OTUD7A: variants seen among roughly 807,000 people sequenced by gnomAD.
OTUD7A encodes the protein OTU deubiquitinase 7A, also known as OTU domain-containing protein 7A.
A neutral mutation model predicts 65.7 loss-of-function variants in OTUD7A; 12 were observed. That is an observed-to-expected ratio of 0.18 (90% CI 0.12 to 0.30). The LOEUF is 0.30. Ranked by LOEUF, OTUD7A falls within the 10% of genes least tolerant of loss-of-function variation. OTUD7A has a pLI of 1.00. For missense variants in OTUD7A, 1,148 were observed against 1,304.8 expected (o/e 0.88, Z 1.85); for synonymous variants, 641 against 586.3 (o/e 1.09, Z -1.35).
At chr15:31,607,068 A>G (rs1890258685) in intron 3 of OTUD7A, among the ~76,000 whole-genome samples, 1 of 152,246 alleles carries the variant, frequency 6.6e-6, no homozygotes, top group Non-Finnish European at 1.5e-5. Flanking sequence ...GATCTGTTTG[A>G]TGACATCAGA....
rs115620050 is a variant in OTUD7A at position 31,608,463 on chromosome 15, C to A, written c.152-38266G>T. Among the ~76,000 whole-genome samples the A allele has an allele frequency of 6.2e-3, 938 of 152,198 alleles. 11 individuals carry two copies. The highest frequency in any genetic ancestry group is 0.02 in the African/African-American group (846 of 41,512). ...ACAGACATGCAGACACACAGACACA[C>A]AGTGGGAGGTGGAGGTGTGGAATGA... is the stretch of plus-strand genomic sequence containing the variant. On this transcript the variant is annotated intron_variant, in intron 3 of 12. Transcript: ENST00000307050.
chr15:31,868,011 C>T (rs752929177), intron 1 of OTUD7A, among the ~76,000 whole-genome samples: 1 of 152,254 alleles, frequency 6.6e-6, no homozygotes, highest in Non-Finnish European at 1.5e-5. Context: ...GCCCGCCAAG[C>T]CGCGTTTAGC....
At chr15:31,711,651 A>C (rs886621640) in intron 1 of OTUD7A, among the ~76,000 whole-genome samples, 2 of 147,204 alleles carry the variant, frequency 1.4e-5, no homozygotes, top group African/African-American at 5.1e-5. Context: ...TCTTAGAGCA[A>C]GATACTTTGC....
At chr15:31,693,360 A>C (rs1893002356) in intron 1 of OTUD7A, among the ~76,000 whole-genome samples, 1 of 152,228 alleles carries the variant, frequency 6.6e-6, no homozygotes, top group African/African-American at 2.4e-5. Flanking sequence ...AGGGAAATGC[A>C]AGAAAATAGC....
chr15:31,606,408 C>A (rs991875496), intron 3 of OTUD7A, among the ~76,000 whole-genome samples: 1 of 152,194 alleles, frequency 6.6e-6, no homozygotes, highest in East Asian at 1.9e-4. Context: ...ACATGGGAGT[C>A]ACTTCTTAGT....
intron 1 of OTUD7A, among the ~76,000 whole-genome samples, chr15:31,717,998 A>G (rs188815569): frequency 1.2e-3 from 190 of 152,304 alleles, no homozygotes; most frequent in African/African-American, 4.5e-3. Flanking sequence ...CTGATACCCT[A>G]CTTAGGGTAG....
chr15:31,646,749 A>G (rs1431760213), intron 3 of OTUD7A, among the ~76,000 whole-genome samples: 4 of 152,140 alleles, frequency 2.6e-5, no homozygotes, highest in Non-Finnish European at 5.9e-5. Flanking sequence ...GTGAGCCACC[A>G]AGCCTGGCCA....
intron 1 of OTUD7A, among the ~76,000 whole-genome samples, chr15:31,709,111 C>T (rs955840272): frequency 2.7e-4 from 41 of 151,480 alleles, no homozygotes; most frequent in African/African-American, 5.1e-4. Flanking sequence ...ACTCCCAGGT[C>T]GTGCCCAGGA....
At chr15:31,695,760 G>C (rs1208783277) in intron 1 of OTUD7A, among the ~76,000 whole-genome samples, 1 of 151,738 alleles carries the variant, frequency 6.6e-6, no homozygotes, top group African/African-American at 2.4e-5. Flanking sequence ...GGCTTGCCTT[G>C]TCATCTGCCT....
intron 1 of OTUD7A, among the ~76,000 whole-genome samples, chr15:31,665,147 T>A (rs1275978941): frequency 6.6e-6 from 1 of 152,228 alleles, no homozygotes; most frequent in Non-Finnish European, 1.5e-5. Flanking sequence ...GCAGGCTCTT[T>A]TTTTGGTTCC....
At chr15:31,585,584 A>C (rs1189670009) in intron 3 of OTUD7A, among the ~76,000 whole-genome samples, 1 of 152,080 alleles carries the variant, frequency 6.6e-6, no homozygotes, top group Non-Finnish European at 1.5e-5. Flanking sequence ...CCTTTGAGTT[A>C]TGTGTTTCTA....
chr15:31,796,230 AT>A (rs1567027351), intron 1 of OTUD7A, among the ~76,000 whole-genome samples: 3 of 118,618 alleles, frequency 2.5e-5, no homozygotes, highest in Non-Finnish European at 3.8e-5. Flanking sequence ...CTATCTATCT[AT>A]CTATCATCTA....
In OTUD7A at chr15:31,526,521, C is replaced by A; in HGVS notation, c.781-60G>T. The A allele has an allele frequency of 2.2e-6, 3 of 1,360,608 alleles. No homozygotes were observed. The East Asian group carries it at 7.7e-5, about 35-fold the overall frequency. 84.3% of individuals were successfully genotyped at this position (1,360,608 alleles called of 1,614,324 possible). A position where few individuals can be genotyped will look rare whatever the true frequency, so the allele number is the denominator to read the frequency against. On this transcript the variant is annotated intron_variant, in intron 7 of 12. Coordinates refer to ENST00000307050, the MANE Select transcript of OTUD7A (RefSeq NM_001382637.1). ...GCCACAGCTGCGCTGCCCTCCTCTC[C>A]TCACCCTCCCAATCTGGACCAGCCT...
At chr15:31,857,556 G>A (rs1897608637) in intron 1 of OTUD7A, among the ~76,000 whole-genome samples, 1 of 152,174 alleles carries the variant, frequency 6.6e-6, no homozygotes, top group Non-Finnish European at 1.5e-5. Flanking sequence ...CCCAGGAGGA[G>A]TGTACAGATA....
Position 31,484,834 on chromosome 15 carries a change from T to G in OTUD7A, c.1372-110A>C. The G allele has an allele frequency of 6.8e-7, 1 of 1,475,970 alleles. No individual in the cohort carries two copies. Among genetic ancestry groups the G allele is most frequent in the African/African-American group, 1.4e-5 (1 of 71,660 alleles). The allele number at this position is 1,475,970 out of a possible 1,614,324, so 91.4% of individuals were successfully genotyped here. On this transcript the variant is annotated intron_variant, in intron 12 of 12. Transcript: ENST00000307050. The surrounding 1 kb of genome is among the most constrained non-coding windows in gnomAD (Gnocchi z 4.5). ...GTTGCCGAGGCTAGGGCCCTGGACCTTCACTGTCCCAGTCCCCACTGTCGC... is the reference window on the plus strand; with the variant it reads ...GTTGCCGAGGCTAGGGCCCTGGACCGTCACTGTCCCAGTCCCCACTGTCGC...
At chr15:31,592,383 A>AC (rs1889753472) in intron 3 of OTUD7A, among the ~76,000 whole-genome samples, 1 of 151,824 alleles carries the variant, frequency 6.6e-6, no homozygotes, top group Admixed American at 6.6e-5. Context: ...CTTTTTTTAA[A>AC]AAAAAAATTA....
At chr15:31,762,069 C>T (rs959882) in intron 1 of OTUD7A, among the ~76,000 whole-genome samples, 30,549 of 152,002 alleles carry the variant, frequency 0.2, 3,491 homozygotes, top group Admixed American at 0.28. Flanking sequence ...TTAAATTGTG[C>T]GAATAGTTTC....
intron 1 of OTUD7A, among the ~76,000 whole-genome samples, chr15:31,730,972 C>T (rs1341431855): frequency 6.6e-6 from 1 of 152,194 alleles, no homozygotes; most frequent in African/African-American, 2.4e-5. Context: ...GGAAAAACTA[C>T]AAAATATACG....
chr15:31,660,155 G>A (rs1438692673), intron 1 of OTUD7A, among the ~76,000 whole-genome samples: 1 of 152,286 alleles, frequency 6.6e-6, no homozygotes, highest in Non-Finnish European at 1.5e-5. Context: ...TCCCTGTTAA[G>A]GGGGTGAATG....
Sources: gnomAD v4.1 joint callset for allele counts (sites outside exome capture counted in the v4.1 genomes callset) on GRCh38, gnomAD v4.1.1 for gene constraint, Gnocchi (gnomAD v3.1) non-coding constraint, MANE v1.5 for transcripts, NCBI Gene and HGNC (gene_info 2026-07-23, HGNC 2026-07-21) for gene names.